Variants in GRIK4 observed in about 807,000 individuals in gnomAD.
GRIK4 encodes glutamate ionotropic receptor kainate type subunit 4, also known as glutamate receptor ionotropic, kainate 4.
GRIK4 carries 40 observed loss-of-function variants against 104.9 expected under a neutral mutation model. That is an observed-to-expected ratio of 0.38 (90% CI 0.30 to 0.50). The LOEUF (loss-of-function observed/expected upper bound fraction) is 0.50. Ranked by LOEUF, GRIK4 falls within the 20% of genes least tolerant of loss-of-function variation. The pLI is 0.93. For missense variants in GRIK4, 1,047 were observed against 1,308.1 expected (o/e 0.80, Z 3.08); for synonymous variants, 485 against 524.9 (o/e 0.92, Z 1.04).
intron 2 of GRIK4, among the ~76,000 whole-genome samples, chr11:120,659,361 A>G (rs1949773993): frequency 6.6e-6 from 1 of 152,136 alleles, no homozygotes; most frequent in Non-Finnish European, 1.5e-5. Context: ...TCTGCTCTCC[A>G]TATTTGCTAG....
chr11:120,602,836 G>C (rs966391411), intron 1 of GRIK4, among the ~76,000 whole-genome samples: 1 of 152,154 alleles, frequency 6.6e-6, no homozygotes, highest in African/African-American at 2.4e-5. Context: ...CCCAGTAGCT[G>C]AGACTGCAGA....
intron 3 of GRIK4, among the ~76,000 whole-genome samples, chr11:120,737,757 G>A (rs1325183123): frequency 6.6e-6 from 1 of 152,146 alleles, no homozygotes; most frequent in Non-Finnish European, 1.5e-5. Context: ...TACTTTTGGA[G>A]AGGAGGTAGA....
rs1396651012 is a variant in GRIK4, at chr11:120,902,812, G to T, written c.1273-2478G>T. On this transcript the variant is annotated intron_variant, in intron 12 of 20. Transcript: ENST00000527524. The surrounding 1 kb of genome is among the most constrained non-coding windows in gnomAD (Gnocchi z 4.5). Reference sequence around the variant, plus strand: ...TGACTAGGTGAGGTGGAAGATGGGGGAGTGTGTGGAGAGTTTGTGCAGGGA... The same window carrying T: ...TGACTAGGTGAGGTGGAAGATGGGGTAGTGTGTGGAGAGTTTGTGCAGGGA... 6.6e-6 allele frequency among the ~76,000 whole-genome samples: 1 copy of T among 152,150 alleles called. No individual in the cohort carries two copies. The highest frequency in any genetic ancestry group is 2.4e-5 in the African/African-American group (1 of 41,394).
At chr11:120,702,446 G>T (rs1178288902) in intron 3 of GRIK4, among the ~76,000 whole-genome samples, 1 of 152,212 alleles carries the variant, frequency 6.6e-6, no homozygotes, top group Non-Finnish European at 1.5e-5. Context: ...TCAAGTGACA[G>T]AATTCTACTG....
chr11:120,624,619 A>G (rs1489421740), intron 1 of GRIK4, among the ~76,000 whole-genome samples: 1 of 152,062 alleles, frequency 6.6e-6, no homozygotes, highest in Non-Finnish European at 1.5e-5. Flanking sequence ...TGCAAGACAC[A>G]ATTGCAAGAC....
At chr11:120,736,281 T>C (rs990250933) in intron 3 of GRIK4, among the ~76,000 whole-genome samples, 13 of 152,148 alleles carry the variant, frequency 8.5e-5, no homozygotes, top group African/African-American at 2.9e-4. Context: ...AGTCCTATCC[T>C]ACTGTGGCTG....
chr11:120,753,096 G>A (rs1049591140), intron 3 of GRIK4, among the ~76,000 whole-genome samples: 1 of 152,268 alleles, frequency 6.6e-6, no homozygotes, highest in Non-Finnish European at 1.5e-5. Flanking sequence ...GTCCTTTACA[G>A]GAGAGCAGCT....
intron 13 of GRIK4, among the ~76,000 whole-genome samples, chr11:120,909,715 G>A (rs1219625415): frequency 1.3e-5 from 2 of 152,182 alleles, no homozygotes; most frequent in African/African-American, 4.8e-5. Context: ...GGTTGACCAA[G>A]GAATCTCTTT....
intron 19 of GRIK4, among the ~76,000 whole-genome samples, chr11:120,981,368 G>A (rs905518423): frequency 1.3e-5 from 2 of 152,152 alleles, no homozygotes; most frequent in African/African-American, 4.8e-5. Flanking sequence ...TTACATACTT[G>A]CACAATGCTT....
At position 120,939,825 on chromosome 11, in the gene GRIK4, C is replaced by T. The variant is rs980788251; in HGVS notation, c.1477-522C>T. Among the ~76,000 whole-genome samples, 3 of 152,078 alleles carry T rather than the reference C, an allele frequency of 2.0e-5. No individual in the cohort carries two copies. In the East Asian group the frequency reaches 5.8e-4, roughly 29 times the overall value. On this transcript the variant is annotated intron_variant, in intron 13 of 20. Transcript: ENST00000527524. This position sits in a 1 kb window ranked among gnomAD's most constrained non-coding sequence, Gnocchi z 5.6. The stretch of plus-strand genomic sequence containing the variant: ...TGAAGCCCTGTGTCTACTAAAATTA[C>T]AAAAATAAGCCAGGCATGGTGGCCC...
At chr11:120,653,432 A>C (rs190163062) in intron 1 of GRIK4, among the ~76,000 whole-genome samples, 114 of 152,328 alleles carry the variant, frequency 7.5e-4, no homozygotes, top group Non-Finnish European at 1.5e-3. Flanking sequence ...TGGAAGCCTC[A>C]GCTCTGAGTG....
At chr11:120,537,976 G>A (rs1216747828) in intron 1 of GRIK4, among the ~76,000 whole-genome samples, 3 of 152,212 alleles carry the variant, frequency 2.0e-5, no homozygotes, top group African/African-American at 4.8e-5. Flanking sequence ...TGGCAAGTCC[G>A]TGATGTATGG....
intron 3 of GRIK4, among the ~76,000 whole-genome samples, chr11:120,661,500 G>A (rs892703424): frequency 1.3e-5 from 2 of 152,236 alleles, no homozygotes; most frequent in African/African-American, 4.8e-5. Context: ...GAGCCTGAAA[G>A]GGTTAGAGGC....
intron 1 of GRIK4, among the ~76,000 whole-genome samples, chr11:120,547,180 C>T (rs985923475): frequency 5.9e-5 from 9 of 152,216 alleles, no homozygotes; most frequent in Non-Finnish European, 1.2e-4. Context: ...GTGGCCATTC[C>T]TTCCACAGTG....
At chr11:120,775,869 C>T (rs1429064128) in intron 3 of GRIK4, among the ~76,000 whole-genome samples, 1 of 152,250 alleles carries the variant, frequency 6.6e-6, no homozygotes, top group Non-Finnish European at 1.5e-5. Flanking sequence ...GGTGCTACCT[C>T]TTGGGGTATT....
chr11:120,816,277 C>T (rs1254230522), intron 5 of GRIK4, among the ~76,000 whole-genome samples: 3 of 152,162 alleles, frequency 2.0e-5, no homozygotes, highest in Non-Finnish European at 4.4e-5. Flanking sequence ...AATCCTTCCC[C>T]TTCAGATATA....
chr11:120,594,391 C>T (rs965356659), intron 1 of GRIK4, among the ~76,000 whole-genome samples: 2 of 152,154 alleles, frequency 1.3e-5, no homozygotes, highest in African/African-American at 2.4e-5. Context: ...GTGGGAGGAT[C>T]GCCTGAGCCT....
intron 1 of GRIK4, among the ~76,000 whole-genome samples, chr11:120,593,780 C>G (rs1379312932): frequency 6.6e-6 from 1 of 152,062 alleles, no homozygotes; most frequent in East Asian, 1.9e-4. Flanking sequence ...CACTTTATTC[C>G]TCTTCCCAAA....
intron 1 of GRIK4, among the ~76,000 whole-genome samples, chr11:120,633,688 G>A (rs879789715): frequency 6.6e-6 from 1 of 152,206 alleles, no homozygotes; most frequent in African/African-American, 2.4e-5. Flanking sequence ...GAAAGGGGAT[G>A]GGCTGTGTTA....
Sources: gnomAD v4.1 joint callset for allele counts (sites outside exome capture counted in the v4.1 genomes callset) on GRCh38, gnomAD v4.1.1 for gene constraint, Gnocchi (gnomAD v3.1) non-coding constraint, MANE v1.5 for transcripts, NCBI Gene and HGNC (gene_info 2026-07-23, HGNC 2026-07-21) for gene names.